CDK14: variants seen among roughly 807,000 people sequenced by gnomAD.
CDK14 encodes the protein cyclin dependent kinase 14.
CDK14 carries 34 observed loss-of-function variants against 60.7 expected under a neutral mutation model. The ratio of observed to expected loss-of-function variants is 0.56; its 90% CI spans 0.43 to 0.75. CDK14 has a LOEUF of 0.75. CDK14 is among the 30% of genes least tolerant of loss of function. The pLI, the probability that CDK14 is intolerant of heterozygous loss-of-function variation, is 0.00. For missense variants in CDK14, 482 were observed against 564.1 expected (o/e 0.85, Z 1.47); for synonymous variants, 197 against 203.7 (o/e 0.97, Z 0.28).
intron 2 of CDK14, among the ~76,000 whole-genome samples, chr7:90,724,552 C>T (rs987220321): frequency 3.3e-5 from 5 of 150,874 alleles, no homozygotes; most frequent in Non-Finnish European, 7.4e-5. Flanking sequence ...TTCTTCTTTT[C>T]TCTAGTCATT....
At chr7:90,718,407 A>C (rs1014741615) in intron 2 of CDK14, among the ~76,000 whole-genome samples, 3 of 152,142 alleles carry the variant, frequency 2.0e-5, no homozygotes, top group Non-Finnish European at 2.9e-5. Flanking sequence ...CCTATCTAAA[A>C]TTATTTACCA....
At chr7:90,803,381 G>T (rs1247323525) in intron 5 of CDK14, among the ~76,000 whole-genome samples, 2 of 152,074 alleles carry the variant, frequency 1.3e-5, no homozygotes. Context: ...AAATTAATGG[G>T]CCTCTAAAAA....
intron 10 of CDK14, among the ~76,000 whole-genome samples, 183 bp downstream of exon 10, chr7:90,984,424 G>A (rs1478206017): frequency 6.6e-6 from 1 of 152,182 alleles, no homozygotes; most frequent in Non-Finnish European, 1.5e-5. Context: ...TTATACTACT[G>A]TACGTGAATA....
intron 8 of CDK14, among the ~76,000 whole-genome samples, chr7:90,940,162 C>A (rs1470774680): frequency 6.6e-6 from 1 of 152,034 alleles, no homozygotes; most frequent in Non-Finnish European, 1.5e-5. Context: ...AAATTTTCTT[C>A]TCTCCTGTTT....
chr7:91,017,272 T>A (rs1796325562), intron 10 of CDK14, among the ~76,000 whole-genome samples: 1 of 152,108 alleles, frequency 6.6e-6, no homozygotes, highest in Non-Finnish European at 1.5e-5. Flanking sequence ...TAAGTTCACA[T>A]TAGAGGAAGG....
intron 4 of CDK14, among the ~76,000 whole-genome samples, chr7:90,788,115 C>T (rs546043187): frequency 1.8e-4 from 28 of 152,084 alleles, no homozygotes; most frequent in Non-Finnish European, 3.4e-4. Context: ...TAAAAGTTAA[C>T]GCTCTCAAGA....
intron 13 of CDK14, among the ~76,000 whole-genome samples, chr7:91,114,857 A>T (rs1266810116): frequency 6.6e-6 from 1 of 152,190 alleles, no homozygotes. Flanking sequence ...ATGTTTACAA[A>T]ACAAAGAATT....
intron 14 of CDK14, among the ~76,000 whole-genome samples, chr7:91,196,987 C>T (rs1245288022): frequency 2.0e-5 from 3 of 152,156 alleles, no homozygotes; most frequent in African/African-American, 7.2e-5. Flanking sequence ...AACCTTGTTA[C>T]CTCTGTTTTT....
At chr7:90,822,802 G>A (rs1789595424) in intron 5 of CDK14, among the ~76,000 whole-genome samples, 1 of 152,192 alleles carries the variant, frequency 6.6e-6, no homozygotes, top group Non-Finnish European at 1.5e-5. Flanking sequence ...CAGTATTGTA[G>A]TAACTCGTGG....
intron 5 of CDK14, among the ~76,000 whole-genome samples, chr7:90,802,878 T>G (rs1788694242): frequency 6.6e-6 from 1 of 152,238 alleles, no homozygotes; most frequent in African/African-American, 2.4e-5. Flanking sequence ...CTTATGTCTT[T>G]GAGAATAAAT....
At chr7:91,136,333 T>C (rs1800277701) in intron 14 of CDK14, among the ~76,000 whole-genome samples, 1 of 152,170 alleles carries the variant, frequency 6.6e-6, no homozygotes, top group Non-Finnish European at 1.5e-5. Flanking sequence ...TGTTTAATCA[T>C]CCAGATATTT....
intron 2 of CDK14, among the ~76,000 whole-genome samples, chr7:90,653,481 C>T (rs886351112): frequency 6.6e-6 from 1 of 151,756 alleles, no homozygotes; most frequent in African/African-American, 2.4e-5. Context: ...TTCTCTGGAT[C>T]CTAGGAACCA....
chr7:90,947,763 C>G (rs1007624009), intron 8 of CDK14, among the ~76,000 whole-genome samples: 26 of 151,980 alleles, frequency 1.7e-4, no homozygotes, highest in Non-Finnish European at 2.2e-4. Flanking sequence ...CATAAGCCTC[C>G]CATACAAACA....
intron 4 of CDK14, among the ~76,000 whole-genome samples, chr7:90,760,556 C>T (rs553966868): frequency 1.2e-4 from 19 of 152,268 alleles, no homozygotes; most frequent in Non-Finnish European, 2.5e-4. Context: ...GTAGGATGCT[C>T]CCGAGGCCCA....
intron 6 of CDK14, among the ~76,000 whole-genome samples, chr7:90,895,386 CT>C (rs1792280200): frequency 1.1e-4 from 1 of 8,754 alleles, no homozygotes; most frequent in African/African-American, 4.9e-4. Flanking sequence ...CTCTCCTCTC[CT>C]CTCCTCTCCT....
At chr7:91,032,920 T>C (rs979424196) in intron 10 of CDK14, among the ~76,000 whole-genome samples, 5 of 152,242 alleles carry the variant, frequency 3.3e-5, no homozygotes, top group African/African-American at 9.6e-5. Context: ...TTCAATAACT[T>C]TGTCGTATTT....
chr7:90,699,951 A>G lies in CDK14; in HGVS notation c.124-26616A>G, dbSNP rs185909246. On this transcript the variant is annotated intron_variant, in intron 2 of 14. Coordinates refer to ENST00000380050, the MANE Select transcript of CDK14 (RefSeq NM_001287135.2). ...AGGCCTTTGTATTGTGATAAGTAAA[A>G]CTTTACTTTCCCTAAATTAGAATAA... Among the ~76,000 whole-genome samples the G allele has an allele frequency of 4.9e-3, 744 of 152,282 alleles. 4 individuals carry two copies. The highest frequency in any genetic ancestry group is 6.2e-3 in the Non-Finnish European group (423 of 68,004).
chr7:90,614,007 T>TTC (rs1799599385), intron 2 of CDK14, among the ~76,000 whole-genome samples: 1 of 17,630 alleles, frequency 5.7e-5, no homozygotes, highest in Admixed American at 7.4e-4. Flanking sequence ...TCCCAAACAC[T>TTC]TTTTTTTTTT....
intron 14 of CDK14, among the ~76,000 whole-genome samples, chr7:91,147,454 C>T (rs201052928): frequency 6.6e-6 from 1 of 152,082 alleles, no homozygotes; most frequent in African/African-American, 2.4e-5. Flanking sequence ...AACATTCTCC[C>T]CAGCCCCATG....
Sources: gnomAD v4.1 joint callset for allele counts (sites outside exome capture counted in the v4.1 genomes callset) on GRCh38, gnomAD v4.1.1 for gene constraint, MANE v1.5 for transcripts, NCBI Gene and HGNC (gene_info 2026-07-23, HGNC 2026-07-21) for gene names.